Variants in FRMD3 observed in about 807,000 individuals in gnomAD.
The protein encoded by FRMD3 is FERM domain-containing protein 3.
In FRMD3, 33 loss-of-function variants were observed where a neutral mutation model predicts 70.2. That is an observed-to-expected ratio of 0.47 (90% CI 0.36 to 0.63). The LOEUF (loss-of-function observed/expected upper bound fraction) is 0.63, where lower values mean the gene tolerates loss of function less well. Among genes scored for constraint, FRMD3 ranks in the 20% least tolerant of loss-of-function variants. FRMD3 has a pLI of 0.00. For missense variants in FRMD3, 632 were observed against 711.4 expected, an observed-to-expected ratio of 0.89 and a Z score of 1.27; for synonymous variants, 279 against 255.9, an observed-to-expected ratio of 1.09 and a Z score of -0.86.
At chr9:83,378,790 G>A (rs1348872173) in intron 2 of FRMD3, among the ~76,000 whole-genome samples, 23 of 66,980 alleles carry the variant, frequency 3.4e-4, no homozygotes, top group African/African-American at 1.4e-3. Flanking sequence ...TATTATATAT[G>A]TATAATTTAT....
chr9:83,354,758 T>C (rs969789393), intron 3 of FRMD3, among the ~76,000 whole-genome samples: 1 of 152,174 alleles, frequency 6.6e-6, no homozygotes, highest in African/African-American at 2.4e-5. Context: ...TAGAAGGTCA[T>C]ATGTGCTATG....
chr9:83,570,981 C>G, the FRMD3 span, among the ~76,000 whole-genome samples: 4 of 152,204 alleles, frequency 2.6e-5, no homozygotes, highest in Non-Finnish European at 5.9e-5. Flanking sequence ...TGGATTTAGT[C>G]TGTCCCTGCA....
intron 10 of FRMD3, among the ~76,000 whole-genome samples, chr9:83,303,223 C>G (rs1333443515): frequency 6.6e-6 from 1 of 152,202 alleles, no homozygotes; most frequent in Non-Finnish European, 1.5e-5. Flanking sequence ...ATGGGCAATG[C>G]CCCATCCAAA....
chr9:83,520,483 C>G (rs552007309), intron 1 of FRMD3, among the ~76,000 whole-genome samples: 23 of 152,278 alleles, frequency 1.5e-4, no homozygotes, highest in Non-Finnish European at 3.4e-4. Flanking sequence ...CATTAAGAGA[C>G]TATTGCTGCA....
intron 13 of FRMD3, among the ~76,000 whole-genome samples, chr9:83,277,169 ATATT>A (rs1306309023): frequency 6.6e-6 from 1 of 152,222 alleles, no homozygotes; most frequent in Non-Finnish European, 1.5e-5. Context: ...TTATAGAAGA[ATATT>A]TAATGTAATG....
At chr9:83,267,277 G>C in intron 13 of FRMD3, 1 of 1,485,684 alleles carries the variant, frequency 6.7e-7, no homozygotes, top group Non-Finnish European at 9.0e-7. Context: ...GCGGCCAACA[G>C]AAATAACTCA....
At chr9:83,500,984 A>G (rs182473449) in intron 1 of FRMD3, among the ~76,000 whole-genome samples, 15 of 152,352 alleles carry the variant, frequency 9.8e-5, no homozygotes, top group Admixed American at 7.2e-4. Context: ...TAATTTGCAT[A>G]ATATATGCGA....
intron 1 of FRMD3, among the ~76,000 whole-genome samples, chr9:83,499,565 C>G (rs1270820068): frequency 3.3e-5 from 5 of 152,170 alleles, no homozygotes; most frequent in Non-Finnish European, 5.9e-5. Context: ...AATTATCCTA[C>G]AGTACAAAAA....
chr9:83,313,612 T>C (rs375397235), intron 7 of FRMD3, 48 bp downstream of exon 7: 1 of 1,459,570 alleles, frequency 6.9e-7, no homozygotes, highest in African/African-American at 1.4e-5. Flanking sequence ...AAACTCTCTT[T>C]TGGGCAAAAC....
At chr9:83,378,961 C>T (rs975400457) in intron 2 of FRMD3, among the ~76,000 whole-genome samples, 3 of 149,890 alleles carry the variant, frequency 2.0e-5, no homozygotes, top group Admixed American at 1.4e-4. Context: ...CTCCTGACCT[C>T]AAGTGATCCA....
At chr9:83,292,205 C>T (rs1345093648) in intron 12 of FRMD3, among the ~76,000 whole-genome samples, 1 of 148,910 alleles carries the variant, frequency 6.7e-6, no homozygotes, top group African/African-American at 2.5e-5. Flanking sequence ...GTCACCTAGG[C>T]TGGAGTGCAG....
intron 3 of FRMD3, among the ~76,000 whole-genome samples, chr9:83,367,433 A>G (rs1240625074): frequency 6.6e-6 from 1 of 152,216 alleles, no homozygotes; most frequent in Non-Finnish European, 1.5e-5. Context: ...GGCAGAATAC[A>G]TGCAGCAACT....
At chr9:83,489,879 G>C (rs962446820) in intron 1 of FRMD3, among the ~76,000 whole-genome samples, 2 of 152,080 alleles carry the variant, frequency 1.3e-5, no homozygotes, top group African/African-American at 4.8e-5. Flanking sequence ...AGAAATGAAG[G>C]ACCTATGACT....
intron 13 of FRMD3, among the ~76,000 whole-genome samples, chr9:83,272,122 C>T (rs1017342191): frequency 7.2e-5 from 11 of 151,866 alleles, no homozygotes; most frequent in African/African-American, 2.4e-4. Context: ...CCTCTGTCTC[C>T]CTCTCTCTCC....
intron 13 of FRMD3, among the ~76,000 whole-genome samples, chr9:83,265,096 T>C (rs1395204624): frequency 2.6e-5 from 4 of 152,088 alleles, no homozygotes; most frequent in Non-Finnish European, 5.9e-5. Context: ...AAGTTCTCTG[T>C]GCATATAAAA....
intron 1 of FRMD3, among the ~76,000 whole-genome samples, chr9:83,448,714 T>C (rs994459148): frequency 3.9e-5 from 6 of 152,220 alleles, no homozygotes; most frequent in Non-Finnish European, 4.4e-5. Context: ...ATTTTCAAGC[T>C]TCCACTCTGC....
At chr9:83,409,180 G>A (rs533415560) in intron 1 of FRMD3, among the ~76,000 whole-genome samples, 1 of 152,274 alleles carries the variant, frequency 6.6e-6, no homozygotes, top group South Asian at 2.1e-4. Context: ...GGGATGTGAT[G>A]CAGAAGGCTC....
chr9:83,508,006 C>T (rs192322133), intron 1 of FRMD3, among the ~76,000 whole-genome samples: 5 of 151,988 alleles, frequency 3.3e-5, no homozygotes, highest in East Asian at 3.9e-4. Context: ...TGAGCTACAA[C>T]GGTACAGTGT....
At chr9:83,463,166 A>T (rs1828024116) in intron 1 of FRMD3, among the ~76,000 whole-genome samples, 1 of 152,156 alleles carries the variant, frequency 6.6e-6, no homozygotes, top group African/African-American at 2.4e-5. Flanking sequence ...TGTTCTGAGG[A>T]TTTTTCTATC....
Sources: gnomAD v4.1 joint callset for allele counts (sites outside exome capture counted in the v4.1 genomes callset) on GRCh38, gnomAD v4.1.1 for gene constraint, MANE v1.5 for transcripts, NCBI Gene and HGNC (gene_info 2026-07-23, HGNC 2026-07-21) for gene names.